Variants in CCN6 observed in about 807,000 individuals in gnomAD.
CCN6 encodes CCN family member 6.
A neutral mutation model predicts 37.4 loss-of-function variants in CCN6; 31 were observed. That is an observed-to-expected ratio of 0.83 (90% CI 0.62 to 1.12). The LOEUF (loss-of-function observed/expected upper bound fraction) is 1.12, where lower values mean the gene tolerates loss of function less well. Ranked by LOEUF, CCN6 falls within the 50% of genes most tolerant of loss-of-function variation. The pLI is 0.00. For synonymous variants in CCN6, 137 were observed against 142.1 expected (o/e 0.96, Z 0.26); for missense variants, 369 against 413.8 (o/e 0.89, Z 0.94).
intron 1 of CCN6, among the ~76,000 whole-genome samples, 191 bp from the exon 2 acceptor site, chr6:112,060,800 G>A (rs1776491208): frequency 6.6e-6 from 1 of 152,108 alleles, no homozygotes; most frequent in Non-Finnish European, 1.5e-5. Flanking sequence ...AGGAATAAGA[G>A]CCTCCAACAG....
upstream of CCN6, chr6:112,054,075 C>G: frequency 1.7e-6 from 1 of 605,996 alleles, no homozygotes; most frequent in South Asian, 1.8e-5. Context: ...GCCCTGCCCT[C>G]CTGAGTCCCG....
chr6:112,060,133 A>C, intron 1 of CCN6: 1 of 1,342,034 alleles, frequency 7.5e-7, no homozygotes, highest in Non-Finnish European at 9.9e-7. Context: ...AGGGGGGACC[A>C]CAGGATGCAG....
chr6:112,068,327 T>C lies in CCN6; in HGVS notation c.712T>C (p.Cys238Arg). ...SNRVTNENSN[C>R]EMRKEKRLCY... is the part of the protein sequence containing the mutation. ...CAGGGTGACCAATGAAAACAGCAAC[T>C]GTGAAATGAGAAAAGAGAAAAGACT... is the stretch of plus-strand genomic sequence containing the variant. Residue 238 changes from cysteine (C) to arginine (R), a missense_variant, in exon 4 of 5, where the codon TGT (cysteine) becomes CGT (arginine). By Grantham distance (180) the Cys-to-Arg change is radical. Coordinates refer to ENST00000368666, the MANE Select transcript of CCN6 (RefSeq NM_198239.2). 1 of 1,613,232 alleles carries C rather than the reference T, an allele frequency of 6.2e-7. No individual in the cohort carries two copies. Among genetic ancestry groups the C allele is most frequent in the Non-Finnish European group, 8.5e-7 (1 of 1,179,522 alleles).
At chr6:112,057,978 G>A (rs782199201) in intron 1 of CCN6, among the ~76,000 whole-genome samples, 2 of 152,180 alleles carry the variant, frequency 1.3e-5, no homozygotes, top group Non-Finnish European at 2.9e-5. Flanking sequence ...AGGGTTCACG[G>A]ATGTGAGACC....
chr6:112,063,359 C>T (rs1020911948), intron 2 of CCN6, among the ~76,000 whole-genome samples: 1 of 152,168 alleles, frequency 6.6e-6, no homozygotes, highest in African/African-American at 2.4e-5. Context: ...TATCAATGAA[C>T]TTTCGACTCT....
intron 2 of CCN6, among the ~76,000 whole-genome samples, chr6:112,061,928 C>T (rs1776536951): frequency 6.6e-6 from 1 of 152,158 alleles, no homozygotes; most frequent in Non-Finnish European, 1.5e-5. Context: ...AAGAGAAACA[C>T]TCATGTCACC....
At chr6:112,065,976 A>G (rs1554313893) in intron 3 of CCN6, among the ~76,000 whole-genome samples, 1 of 152,144 alleles carries the variant, frequency 6.6e-6, no homozygotes, top group Admixed American at 6.5e-5. Context: ...TAAAGTTTAG[A>G]GCTTAGTGAG....
intron 1 of CCN6, among the ~76,000 whole-genome samples, chr6:112,056,712 T>C (rs1776358517): frequency 6.6e-6 from 1 of 152,216 alleles, no homozygotes; most frequent in Non-Finnish European, 1.5e-5. Context: ...AGATGGGGTT[T>C]TGCCATGTTG....
At chr6:112,052,851 C>G (rs1554310953), upstream of CCN6, among the ~76,000 whole-genome samples, 1 of 152,124 alleles carries the variant, frequency 6.6e-6, no homozygotes, top group Non-Finnish European at 1.5e-5. Context: ...TCTGTGTGAT[C>G]TGCAGGTTTT....
At chr6:112,055,642 G>A (rs1439067809) in intron 1 of CCN6, among the ~76,000 whole-genome samples, 1 of 152,016 alleles carries the variant, frequency 6.6e-6, no homozygotes, top group African/African-American at 2.4e-5. Context: ...CCAGGCTGGA[G>A]TGCAGTGGTG....
Position 112,068,321 on chromosome 6 carries a change from AG to A in CCN6, c.707del (p.Ser236ThrfsTer5), listed in dbSNP as rs1583586843. The A allele has an allele frequency of 6.2e-7, 1 of 1,613,330 alleles. No homozygotes were observed. Among genetic ancestry groups the A allele is most frequent in the Admixed American group, 1.7e-5 (1 of 59,946 alleles). ...GISNRVTNEN[S>X]NCEMRKEKRL... ...ATCTAACAGGGTGACCAATGAAAAC[AG>A]CAACTGTGAAATGAGAAAAGAGAAA... On this transcript the variant is annotated frameshift_variant, in exon 4 of 5. Coordinates refer to ENST00000368666, the MANE Select transcript of CCN6 (RefSeq NM_198239.2). LOFTEE classifies it high-confidence loss of function.
At chr6:112,060,612 T>G (rs587635178) in intron 1 of CCN6, among the ~76,000 whole-genome samples, 6 of 152,220 alleles carry the variant, frequency 3.9e-5, no homozygotes, top group African/African-American at 1.4e-4. Flanking sequence ...GTAGGCAGTT[T>G]GAGTCTGAGT....
In CCN6 at chr6:112,060,983, A is replaced by G. The variant is rs782715328; in HGVS notation, c.49-8A>G. ...TATTTCTAACATCACCTTTATTATC[A>G]AATGAAGTTCTGCTGCAGGGTACAG... On this transcript the variant is annotated splice_polypyrimidine_tract_variant and splice_region_variant and intron_variant, in intron 1 of 4. Transcript: ENST00000368666. 3 of 1,613,852 alleles carry G rather than the reference A, an allele frequency of 1.9e-6. No individual in the cohort carries two copies. The highest frequency in any genetic ancestry group is 2.5e-6 in the Non-Finnish European group (3 of 1,180,010).
chr6:112,055,163 C>T (rs1436231844), intron 1 of CCN6, among the ~76,000 whole-genome samples: 1 of 152,104 alleles, frequency 6.6e-6, no homozygotes, highest in Non-Finnish European at 1.5e-5. Flanking sequence ...TGATTGGGGC[C>T]ATAAGTAGTA....
Position 112,054,271 on chromosome 6 carries a change from G to A in CCN6, c.-87G>A, listed in dbSNP as rs587660710. The A allele has an allele frequency of 8.8e-6, 14 of 1,598,432 alleles. No homozygotes were observed. In the South Asian group the frequency reaches 1.5e-4, roughly 18 times the overall value. On this transcript the variant is annotated 5_prime_UTR_variant, in exon 1 of 5. Coordinates refer to ENST00000368666, the MANE Select transcript of CCN6 (RefSeq NM_198239.2). ...TGTGCAGAGGAGCGTGGGGTTTGCA[G>A]AGGAGACAGGGGAGCTTTGTGTACC...
chr6:112,059,976 T>G, intron 1 of CCN6: 2 of 1,356,886 alleles, frequency 1.5e-6, no homozygotes, highest in Non-Finnish European at 2.0e-6. Context: ...CACTGAGAAA[T>G]TTGAGCACAG....
At chr6:112,061,449 T>A in intron 2 of CCN6, 161 bp downstream of exon 2, 1 of 864,952 alleles carries the variant, frequency 1.2e-6, no homozygotes, top group Non-Finnish European at 1.9e-6. Flanking sequence ...TTGGATACTA[T>A]GTGAAATTAG....
At chr6:112,065,979 T>A (rs1554313894) in intron 3 of CCN6, among the ~76,000 whole-genome samples, 1 of 152,128 alleles carries the variant, frequency 6.6e-6, no homozygotes, top group African/African-American at 2.4e-5. Flanking sequence ...AGTTTAGAGC[T>A]TAGTGAGAGG....
Position 112,069,655 on chromosome 6 carries a change from G to A in CCN6, c.*35G>A. The A allele has an allele frequency of 1.2e-6, 2 of 1,611,648 alleles. No individual in the cohort carries two copies. The highest frequency in any genetic ancestry group is 1.7e-6 in the Non-Finnish European group (2 of 1,178,798). On this transcript the variant is annotated 3_prime_UTR_variant, in exon 5 of 5. Coordinates refer to ENST00000368666, the MANE Select transcript of CCN6 (RefSeq NM_198239.2). ...AATGGGGGAAAAGTTAGTCAATCCT[G>A]TCATATAATAAAAAAATTAGTGAGT... is the stretch of plus-strand genomic sequence containing the variant.
Sources: allele counts gnomAD v4.1 joint callset (sites outside exome capture counted in the v4.1 genomes callset), GRCh38; gene constraint gnomAD v4.1.1; transcripts MANE v1.5; gene names NCBI Gene and HGNC (gene_info 2026-07-23, HGNC 2026-07-21).